The following MINDY2 variants were observed in gnomAD, a reference collection of about 807,000 sequenced individuals.
The protein encoded by MINDY2 is ubiquitin carboxyl-terminal hydrolase MINDY-2.
MINDY2 carries 52 observed loss-of-function variants against 68.2 expected under a neutral mutation model. The ratio of observed to expected loss-of-function variants is 0.76; its 90% CI spans 0.61 to 0.96. The LOEUF is 0.96. MINDY2 is among the 40% of genes least tolerant of loss of function. MINDY2 has a pLI of 0.00. For missense variants in MINDY2, 881 were observed against 773.4 expected (o/e 1.14, Z -1.65); for synonymous variants, 372 against 303.0 (o/e 1.23, Z -2.36).
rs764755121 is a variant in MINDY2 at position 58,821,796 on chromosome 15, A to G, written c.1202A>G (p.Asp401Gly). The G allele has an allele frequency of 6.3e-7, 1 of 1,591,324 alleles. No individual in the cohort carries two copies. The highest frequency in any genetic ancestry group is 1.4e-5 in the African/African-American group (1 of 73,564). Residue 401 changes from aspartate to glycine, a missense_variant, in exon 5 of 9, where the codon GAC becomes GGC. Coordinates refer to ENST00000559228, the MANE Select transcript of MINDY2 (RefSeq NM_001040450.3). ...AAGATCATCTCTTGTAAACAGTCAG[A>G]CAATAGTGAGCTGGTTAGTGAAGGT... ...VEKIISCKQS[D>G]NSELVSEGFV...
intron 2 of MINDY2, among the ~76,000 whole-genome samples, chr15:58,799,225 G>A (rs1902475570): frequency 6.6e-6 from 1 of 152,198 alleles, no homozygotes; most frequent in South Asian, 2.1e-4. Context: ...TAGATGTTCT[G>A]TTGAGATTAC....
chr15:58,807,577 A>G (rs938595566), intron 3 of MINDY2, among the ~76,000 whole-genome samples: 2 of 152,082 alleles, frequency 1.3e-5, no homozygotes, highest in Admixed American at 6.5e-5. Context: ...GTTAGCCAGG[A>G]TGGTCTCGAT....
Position 58,848,801 on chromosome 15 carries a change from C to A in MINDY2, c.1542+1331C>A, listed in dbSNP as rs142640909. Among the ~76,000 whole-genome samples, 1,297 of 152,302 alleles carry A rather than the reference C, an allele frequency of 8.5e-3. 19 individuals carry two copies. Among genetic ancestry groups the A allele is most frequent in the African/African-American group, 0.03 (1,253 of 41,582 alleles). On this transcript the variant is annotated intron_variant, in intron 7 of 8. Coordinates refer to ENST00000559228, the MANE Select transcript of MINDY2 (RefSeq NM_001040450.3). ...AAATATGCATCTTTCTAGGACTTTT[C>A]TTTGAAAAACAGTTCTGAAAGTCGT... is the stretch of plus-strand genomic sequence containing the variant.
At position 58,831,881 on chromosome 15, in the gene MINDY2, C is replaced by T. The variant is rs756047364; in HGVS notation, c.1333C>T (p.Arg445Trp). Residue 445 changes from arginine (R) to tryptophan (W), a missense_variant, in exon 6 of 9, where the codon CGG becomes TGG. Physicochemically the swap from Arg to Trp is moderately radical, Grantham distance 101 (BLOSUM62 -3). Coordinates refer to ENST00000559228, the MANE Select transcript of MINDY2 (RefSeq NM_001040450.3). The stretch of plus-strand genomic sequence containing the variant: ...GGAAGGAGAACTTTGTGTGTTCTTT[C>T]GGAATAATCATTTTAGCACCATGAC... Reference protein sequence around the residue: ...VQEGELCVFFRNNHFSTMTKY... With the variant: ...VQEGELCVFFWNNHFSTMTKY... The T allele has an allele frequency of 5.0e-6, 8 of 1,613,208 alleles. No individual in the cohort carries two copies. Among genetic ancestry groups the T allele is most frequent in the African/African-American group, 1.3e-5 (1 of 74,844 alleles).
chr15:58,795,791 C>G (rs1237424000), intron 2 of MINDY2, among the ~76,000 whole-genome samples: 2 of 151,522 alleles, frequency 1.3e-5, no homozygotes, highest in African/African-American at 4.8e-5. Flanking sequence ...TTTTGGCCAC[C>G]CTCCCTCCTG....
rs774231370 is a variant in MINDY2 at position 58,856,050 on chromosome 15, T to C, written c.*1440T>C. 6.5e-6 allele frequency: 1 copy of C among 152,680 alleles called. No homozygotes were observed. The highest frequency in any genetic ancestry group is 1.5e-5 in the Non-Finnish European group (1 of 68,046). 9.5% of individuals were successfully genotyped at this position (152,680 alleles called of 1,614,324 possible). A position where few individuals can be genotyped will look rare whatever the true frequency, so the allele number is the denominator to read the frequency against. On this transcript the variant is annotated 3_prime_UTR_variant, in exon 9 of 9. Coordinates refer to ENST00000559228, the MANE Select transcript of MINDY2 (RefSeq NM_001040450.3). Reference sequence around the variant, plus strand: ...CTCAGAAATAATATTTATTTAACTTTATTATGAGGCCACACATATTTTCCT... The same window carrying C: ...CTCAGAAATAATATTTATTTAACTTCATTATGAGGCCACACATATTTTCCT...
chr15:58,854,264 A>G (rs1414248396), intron 8 of MINDY2, among the ~76,000 whole-genome samples: 1 of 151,994 alleles, frequency 6.6e-6, no homozygotes, highest in Admixed American at 6.6e-5. Context: ...AAAGGAAAAG[A>G]AATTTTATTT....
At chr15:58,791,974 G>T (rs578198564) in intron 2 of MINDY2, among the ~76,000 whole-genome samples, 1 of 152,208 alleles carries the variant, frequency 6.6e-6, no homozygotes, top group Middle Eastern at 3.4e-3. Context: ...TGATTTCCTA[G>T]AATCGTAATG....
chr15:58,829,067 T>C (rs1419500817), intron 5 of MINDY2, among the ~76,000 whole-genome samples: 2 of 152,206 alleles, frequency 1.3e-5, no homozygotes, highest in Admixed American at 1.3e-4. Context: ...TTGAGCGTTA[T>C]AATGATTCTC....
rs368815940 is a variant in MINDY2, at chr15:58,810,222, A to G, written c.964-8A>G. 4.4e-6 allele frequency: 7 copies of G among 1,589,192 alleles called. No homozygotes were observed. Among genetic ancestry groups the G allele is most frequent in the African/African-American group, 4.1e-5 (3 of 73,840 alleles). On this transcript the variant is annotated splice_region_variant and splice_polypyrimidine_tract_variant and intron_variant, in intron 3 of 8. Coordinates refer to ENST00000559228, the MANE Select transcript of MINDY2 (RefSeq NM_001040450.3). ...CTGAATTAGAACTTTCCCCTTTTCT[A>G]TTTTCAGAATATGAGTGATGCCATG...
In MINDY2 at chr15:58,854,603, T is replaced by C; in HGVS notation, c.1859T>C (p.Ile620Thr). Reference protein sequence around the residue: ...EKEKEKNSCVIL With the variant: ...EKEKEKNSCVTL ...GAAAAGGAAAAAAATAGCTGTGTTA[T>C]TTTGTAACAAGTGTTGGCTTCTGTT... Residue 620 changes from isoleucine to threonine, a missense_variant, in exon 9 of 9, where the codon ATT becomes ACT. Physicochemically the swap from Ile to Thr is moderately conservative, Grantham distance 89. Transcript: ENST00000559228. 1 of 1,607,642 alleles carries C rather than the reference T, an allele frequency of 6.2e-7. No individual in the cohort carries two copies. The highest frequency in any genetic ancestry group is 8.5e-7 in the Non-Finnish European group (1 of 1,179,568).
chr15:58,859,233 TC>T lies in MINDY2; in HGVS notation c.*4624del, dbSNP rs1337877062. On this transcript the variant is annotated 3_prime_UTR_variant, in exon 9 of 9. Transcript: ENST00000559228. ...TGAGAGGATCAGAAGCATTTAAAAA[TC>T]TATTTTTTTCTAGTATCTTTCACAG... is the stretch of plus-strand genomic sequence containing the variant. 6.6e-6 allele frequency: 1 copy of T among 152,108 alleles called. No homozygotes were observed. The highest frequency in any genetic ancestry group is 1.5e-5 in the Non-Finnish European group (1 of 67,970). 9.4% of individuals were successfully genotyped at this position (152,108 alleles called of 1,614,324 possible).
intron 2 of MINDY2, among the ~76,000 whole-genome samples, chr15:58,793,192 C>T (rs980625133): frequency 3.3e-5 from 5 of 152,062 alleles, no homozygotes; most frequent in African/African-American, 7.2e-5. Flanking sequence ...TGGCTCACGC[C>T]GTAATCCCAG....
intron 1 of MINDY2, among the ~76,000 whole-genome samples, chr15:58,774,492 GAAAAAA>G (rs11385535): frequency 3.2e-5 from 3 of 92,828 alleles, no homozygotes; most frequent in African/African-American, 7.1e-5. Flanking sequence ...CCCAAAAAAA[GAAAAAA>G]AAAAAAAAAA....
At chr15:58,778,836 G>A (rs867317524) in intron 1 of MINDY2, among the ~76,000 whole-genome samples, 9 of 128,800 alleles carry the variant, frequency 7.0e-5, no homozygotes, top group South Asian at 2.3e-4. Context: ...TTTTTGAGAC[G>A]GAATCTCATT....
intron 6 of MINDY2, among the ~76,000 whole-genome samples, chr15:58,846,937 C>T (rs1294549199): frequency 6.6e-6 from 1 of 151,984 alleles, no homozygotes; most frequent in Non-Finnish European, 1.5e-5. Flanking sequence ...AAACAGGCAA[C>T]ATGGTATCAT....
rs912391919 is a variant in MINDY2 at position 58,811,599 on chromosome 15, G to A, written c.1122+1211G>A. ...ATTAGTAAAGCACAGAGCTCCTGAC[G>A]AGGAGATGTGACCTTCAGGAGAGGA... On this transcript the variant is annotated intron_variant, in intron 4 of 8. Transcript: ENST00000559228. Among the ~76,000 whole-genome samples, 11 of 152,296 alleles carry A rather than the reference G, an allele frequency of 7.2e-5. No individual in the cohort carries two copies. In the South Asian group the frequency reaches 1.9e-3, roughly 26 times the overall value.
In MINDY2 at chr15:58,858,269, C is replaced by G. The variant is rs1339702890; in HGVS notation, c.*3659C>G. On this transcript the variant is annotated 3_prime_UTR_variant, in exon 9 of 9. Coordinates refer to ENST00000559228, the MANE Select transcript of MINDY2 (RefSeq NM_001040450.3). The stretch of plus-strand genomic sequence containing the variant: ...GGAATATATCTTGTTTTTATTGTCT[C>G]ACATTTCTGATATTGACTACTTATC... 1 of 152,104 alleles carries G rather than the reference C, an allele frequency of 6.6e-6. No homozygotes were observed. The highest frequency in any genetic ancestry group is 2.4e-5 in the African/African-American group (1 of 41,440). 9.4% of individuals were successfully genotyped at this position (152,104 alleles called of 1,614,324 possible). A position where few individuals can be genotyped will look rare whatever the true frequency, so the allele number is the denominator to read the frequency against.
chr15:58,859,087 GT>G lies in MINDY2; in HGVS notation c.*4484del, dbSNP rs1178339955. 4 of 151,930 alleles carry G rather than the reference GT, an allele frequency of 2.6e-5. No homozygotes were observed. The highest frequency in any genetic ancestry group is 6.6e-5 in the Admixed American group (1 of 15,260). The allele number at this position is 151,930 out of a possible 1,614,324, so 9.4% of individuals were successfully genotyped here. A position where few individuals can be genotyped will look rare whatever the true frequency, so the allele number is the denominator to read the frequency against. On this transcript the variant is annotated 3_prime_UTR_variant, in exon 9 of 9. Transcript: ENST00000559228. ...CAATAACAAAATATATCTTAAGTCA[GT>G]TTTTTTAATGCTGTCAAAATTTGTA...
Sources: allele counts gnomAD v4.1 joint callset (sites outside exome capture counted in the v4.1 genomes callset), GRCh38; gene constraint gnomAD v4.1.1; transcripts MANE v1.5; gene names NCBI Gene and HGNC (gene_info 2026-07-23, HGNC 2026-07-21).